Variants in CTNND2 observed in about 807,000 individuals in gnomAD.
CTNND2 encodes the protein catenin delta 2.
In CTNND2, 22 loss-of-function variants were observed where a neutral mutation model predicts 144.4. That is an observed-to-expected ratio of 0.15 (90% confidence interval 0.11 to 0.22). The LOEUF is 0.22. CTNND2 is among the 10% of genes least tolerant of loss of function. The pLI, the probability that CTNND2 is intolerant of heterozygous loss-of-function variation, is 1.00. For missense variants in CTNND2, 1,353 were observed against 1,618.8 expected (o/e 0.84, Z 2.82); for synonymous variants, 751 against 695.6 (o/e 1.08, Z -1.25).
At chr5:11,096,958 A>C (rs1479383285) in intron 15 of CTNND2, among the ~76,000 whole-genome samples, 2 of 152,128 alleles carry the variant, frequency 1.3e-5, no homozygotes, top group Non-Finnish European at 2.9e-5. Flanking sequence ...GGAGCTGGGT[A>C]GGGTCTTTTA....
intron 2 of CTNND2, among the ~76,000 whole-genome samples, chr5:11,723,971 T>C (rs1174858932): frequency 1.3e-5 from 2 of 151,344 alleles, no homozygotes; most frequent in Non-Finnish European, 2.9e-5. Context: ...AGAAGAATGG[T>C]GTGAACCCGG....
chr5:11,153,154 C>T (rs1429895918), intron 12 of CTNND2, among the ~76,000 whole-genome samples: 1 of 151,902 alleles, frequency 6.6e-6, no homozygotes, highest in Non-Finnish European at 1.5e-5. Flanking sequence ...CCCAGGCACT[C>T]GGGAGGCTGA....
At chr5:11,376,325 T>C (rs9764468) in intron 7 of CTNND2, among the ~76,000 whole-genome samples, 1 of 2,520 alleles carries the variant, frequency 4.0e-4, no homozygotes, top group African/African-American at 1.6e-3. Flanking sequence ...TGTGTGTGTG[T>C]GTGTGTGTGT....
chr5:11,843,892 T>C (rs1794612127), intron 1 of CTNND2, among the ~76,000 whole-genome samples: 1 of 152,206 alleles, frequency 6.6e-6, no homozygotes, highest in African/African-American at 2.4e-5. Context: ...TTATATTGTT[T>C]GTACTAGCAC....
intron 1 of CTNND2, among the ~76,000 whole-genome samples, chr5:11,833,884 TTCACTGA>T (rs1794038582): frequency 1.3e-5 from 2 of 152,166 alleles, no homozygotes; most frequent in Admixed American, 6.5e-5. Context: ...TTTGTCAAAC[TTCACTGA>T]ATGCTAAACC....
intron 3 of CTNND2, among the ~76,000 whole-genome samples, chr5:11,427,181 AAAC>A (rs2149865348): frequency 6.6e-6 from 1 of 152,310 alleles, no homozygotes; most frequent in Admixed American, 6.5e-5. Context: ...AGTATGTAAA[AAAC>A]AACACTATGA....
chr5:11,400,484 T>A (rs1049159675), intron 5 of CTNND2, among the ~76,000 whole-genome samples: 25 of 152,162 alleles, frequency 1.6e-4, no homozygotes, highest in Non-Finnish European at 2.1e-4. Flanking sequence ...TCCTCAGAAC[T>A]GAGCCCAAGG....
At chr5:11,686,131 A>G (rs1784635252) in intron 2 of CTNND2, among the ~76,000 whole-genome samples, 1 of 152,092 alleles carries the variant, frequency 6.6e-6, no homozygotes, top group South Asian at 2.1e-4. Flanking sequence ...GCTTGAGCTC[A>G]GGAAGTGGAG....
intron 2 of CTNND2, among the ~76,000 whole-genome samples, chr5:11,627,826 T>A (rs2126455487): frequency 6.7e-6 from 1 of 150,250 alleles, no homozygotes; most frequent in African/African-American, 2.5e-5. Flanking sequence ...GGCAACTAGA[T>A]GATCCCATCT....
chr5:11,718,182 C>G (rs113481118), intron 2 of CTNND2, among the ~76,000 whole-genome samples: 1 of 152,146 alleles, frequency 6.6e-6, no homozygotes, highest in African/African-American at 2.4e-5. Context: ...CTACGACAGG[C>G]CCTTTCCATT....
chr5:11,119,410 T>C (rs560513589), intron 12 of CTNND2, among the ~76,000 whole-genome samples: 8 of 152,204 alleles, frequency 5.3e-5, no homozygotes, highest in African/African-American at 7.2e-5. Flanking sequence ...GCTTCCTAGA[T>C]AATATAACTA....
intron 1 of CTNND2, among the ~76,000 whole-genome samples, chr5:11,896,321 G>T (rs536362597): frequency 6.6e-6 from 1 of 152,064 alleles, no homozygotes; most frequent in Non-Finnish European, 1.5e-5. Flanking sequence ...AATGTGTATC[G>T]CTTGATATCT....
chr5:11,635,448 T>A (rs1022016565), intron 2 of CTNND2, among the ~76,000 whole-genome samples: 3 of 152,060 alleles, frequency 2.0e-5, no homozygotes, highest in Admixed American at 6.6e-5. Flanking sequence ...TCACAGGAGT[T>A]TTAAGAGCAG....
intron 1 of CTNND2, among the ~76,000 whole-genome samples, chr5:11,782,557 T>C (rs534580326): frequency 6.6e-6 from 1 of 152,340 alleles, no homozygotes; most frequent in East Asian, 1.9e-4. Flanking sequence ...AATGTATGTT[T>C]CTCTTGTGAA....
intron 16 of CTNND2, among the ~76,000 whole-genome samples, chr5:11,040,643 G>C (rs1289402537): frequency 6.6e-6 from 1 of 152,094 alleles, no homozygotes; most frequent in East Asian, 1.9e-4. Context: ...GTATAAGAAT[G>C]GTTCTAAAAA....
intron 16 of CTNND2, among the ~76,000 whole-genome samples, chr5:11,073,473 G>A (rs1222551144): frequency 6.6e-6 from 1 of 152,206 alleles, no homozygotes; most frequent in Non-Finnish European, 1.5e-5. Flanking sequence ...TCCTGAATTT[G>A]AATCAACTGG....
intron 2 of CTNND2, among the ~76,000 whole-genome samples, chr5:11,703,427 G>T (rs1206676616): frequency 1.3e-5 from 2 of 152,094 alleles, no homozygotes; most frequent in Non-Finnish European, 2.9e-5. Context: ...GAAGCAAGAG[G>T]GTCTTGCCTT....
intron 2 of CTNND2, among the ~76,000 whole-genome samples, chr5:11,699,927 T>C (rs994475868): frequency 6.6e-6 from 1 of 152,212 alleles, no homozygotes; most frequent in African/African-American, 2.4e-5. Flanking sequence ...CATTCTTTTG[T>C]AGTAGAGGGA....
At chr5:11,700,074 A>C (rs1330490107) in intron 2 of CTNND2, among the ~76,000 whole-genome samples, 1 of 152,130 alleles carries the variant, frequency 6.6e-6, no homozygotes, top group Non-Finnish European at 1.5e-5. Context: ...ATGTATTGAA[A>C]ATTATTTTTT....
Sources: gnomAD v4.1 joint callset for allele counts (sites outside exome capture counted in the v4.1 genomes callset) on GRCh38, gnomAD v4.1.1 for gene constraint, MANE v1.5 for transcripts, NCBI Gene and HGNC (gene_info 2026-07-23, HGNC 2026-07-21) for gene names.